Variants in NBEA observed in about 807,000 individuals in gnomAD.
NBEA encodes the protein neurobeachin, also known as lysosomal-trafficking regulator 2.
In NBEA, 44 loss-of-function variants were observed where a neutral mutation model predicts 343.4. That is an observed-to-expected ratio of 0.13 (90% confidence interval 0.10 to 0.16). The LOEUF (loss-of-function observed/expected upper bound fraction) is 0.16. NBEA is among the 10% of genes least tolerant of loss of function. NBEA has a pLI of 1.00. For synonymous variants in NBEA, 1,175 were observed against 1,238.7 expected (o/e 0.95, Z 1.08); for missense variants, 2,555 against 3,631.3 (o/e 0.70, Z 7.62).
chr13:35,518,125 G>A (rs1427545550), intron 41 of NBEA, among the ~76,000 whole-genome samples: 1 of 152,010 alleles, frequency 6.6e-6, no homozygotes, highest in Non-Finnish European at 1.5e-5. Flanking sequence ...CCGGATATAT[G>A]GAGGTGAGCA....
chr13:35,333,580 T>A (rs1054847920), intron 36 of NBEA, among the ~76,000 whole-genome samples: 6 of 152,164 alleles, frequency 3.9e-5, no homozygotes, highest in African/African-American at 1.2e-4. Flanking sequence ...AATATACAAT[T>A]AAATTATTAT....
chr13:35,234,518 A>C (rs1178017123), intron 34 of NBEA, among the ~76,000 whole-genome samples: 1 of 152,200 alleles, frequency 6.6e-6, no homozygotes, highest in African/African-American at 2.4e-5. Context: ...AATAATTAAA[A>C]TTAAATAGGA....
intron 1 of NBEA, among the ~76,000 whole-genome samples, chr13:35,018,607 T>TA (rs2061732517): frequency 6.6e-6 from 1 of 152,186 alleles, no homozygotes; most frequent in Non-Finnish European, 1.5e-5. Context: ...GAGAATTTGG[T>TA]AAAATTCTTT....
intron 1 of NBEA, among the ~76,000 whole-genome samples, chr13:34,997,298 T>C (rs1259500054): frequency 4.6e-5 from 7 of 152,184 alleles, no homozygotes; most frequent in Admixed American, 2.6e-4. Context: ...CAGTATCCAT[T>C]TGACTCTATA....
chr13:35,544,622 C>G (rs73498915), intron 41 of NBEA, among the ~76,000 whole-genome samples: 1,778 of 152,228 alleles, frequency 0.012, 40 homozygotes, highest in African/African-American at 0.041. Context: ...ACCTTACTTT[C>G]TATGTGCTTT....
chr13:35,029,267 T>C (rs1218352879), intron 1 of NBEA, among the ~76,000 whole-genome samples: 1 of 150,192 alleles, frequency 6.7e-6, no homozygotes, highest in African/African-American at 2.5e-5. Flanking sequence ...ACACCACTGC[T>C]GTGGTGTGGA....
intron 41 of NBEA, chr13:35,476,296 C>CCTGCTGCTG (rs56240021): frequency 0.056 from 54,068 of 959,742 alleles, 6,798 homozygotes; most frequent in African/African-American, 0.075. Flanking sequence ...CGTTGGTTTC[C>CCTGCTGCTG]CTGCTGCTGC....
At chr13:35,284,243 C>T (rs560437831) in intron 34 of NBEA, among the ~76,000 whole-genome samples, 2 of 152,152 alleles carry the variant, frequency 1.3e-5, no homozygotes, top group East Asian at 1.9e-4. Context: ...CAGAAACTTA[C>T]GTTTTGTTCC....
intron 34 of NBEA, among the ~76,000 whole-genome samples, chr13:35,239,286 A>G (rs532253146): frequency 1.3e-5 from 2 of 152,200 alleles, no homozygotes; most frequent in African/African-American, 2.4e-5. Flanking sequence ...TAGCTACATG[A>G]TATACATGAT....
At chr13:35,109,631 A>T (rs1474320673) in intron 12 of NBEA, among the ~76,000 whole-genome samples, 189 bp downstream of exon 12, 1 of 152,150 alleles carries the variant, frequency 6.6e-6, no homozygotes, top group East Asian at 1.9e-4. Flanking sequence ...AACAATAGGT[A>T]AAAAAGAATC....
At chr13:35,556,549 C>T (rs1344713959) in intron 44 of NBEA, among the ~76,000 whole-genome samples, 1 of 151,356 alleles carries the variant, frequency 6.6e-6, no homozygotes, top group Non-Finnish European at 1.5e-5. Context: ...ATTGTTTGTT[C>T]TCTGGCTTTA....
intron 30 of NBEA, among the ~76,000 whole-genome samples, chr13:35,192,872 T>C (rs970332530): frequency 6.6e-6 from 1 of 151,970 alleles, no homozygotes; most frequent in African/African-American, 2.4e-5. Flanking sequence ...AAGTTTAAAC[T>C]TTTTGTATAG....
At chr13:35,381,264 A>G (rs2041999054) in intron 38 of NBEA, among the ~76,000 whole-genome samples, 1 of 152,064 alleles carries the variant, frequency 6.6e-6, no homozygotes, top group Non-Finnish European at 1.5e-5. Context: ...ACTTTCTTTC[A>G]TCCAAATTAG....
At chr13:34,974,191 C>T (rs2060091200) in intron 1 of NBEA, among the ~76,000 whole-genome samples, 1 of 152,164 alleles carries the variant, frequency 6.6e-6, no homozygotes, top group Admixed American at 6.5e-5. Context: ...GGTTGAGTTG[C>T]TTTCCTGATT....
rs2062794117 is a variant in NBEA at position 35,044,959 on chromosome 13, A to G, written c.539A>G (p.Asp180Gly). ...VDDMIADLLVDMLGVLASYSI... is the reference protein window; with the variant it reads ...VDDMIADLLVGMLGVLASYSI... ...TTTTCCTTTGAAGATCTTCTAGTTG[A>G]TATGTTGGGGGTTCTTGCCAGCTAC... The change falls in exon 3 of 59, where the codon GAT (aspartate) becomes GGT (glycine). Residue 180 changes from aspartate to glycine, a missense_variant. Physicochemically the swap from Asp to Gly is moderately conservative, Grantham distance 94. This residue lies in a region of NBEA where 185 missense variants were observed against 290.6 expected (regional missense o/e 0.64). Transcript: ENST00000379939. The G allele has an allele frequency of 6.2e-7, 1 of 1,610,278 alleles. No individual in the cohort carries two copies.
At chr13:35,257,400 C>A (rs558999018) in intron 34 of NBEA, among the ~76,000 whole-genome samples, 1 of 152,150 alleles carries the variant, frequency 6.6e-6, no homozygotes, top group Non-Finnish European at 1.5e-5. Context: ...CTGTACTACT[C>A]CTGGGAGGTA....
chr13:35,583,900 A>G lies in NBEA; in HGVS notation c.7038A>G (p.Pro2346=). 6.2e-7 allele frequency: 1 copy of G among 1,607,786 alleles called. No individual in the cohort carries two copies. The highest frequency in any genetic ancestry group is 8.5e-7 in the Non-Finnish European group (1 of 1,178,134). The change falls in exon 46 of 59, where the codon CCA becomes CCG. Residue 2346 remains proline (P), a splice_region_variant and synonymous_variant. Coordinates refer to ENST00000379939, the MANE Select transcript of NBEA (RefSeq NM_001385012.1). ...LPGNFRDLSK[P]IGALNPKRAV... is the part of the protein sequence containing the mutation. ...AAATATTTTTTTTCTTTTAATAGCC[A>G]ATTGGTGCTTTGAACCCCAAGAGAG...
intron 38 of NBEA, among the ~76,000 whole-genome samples, chr13:35,377,499 T>C (rs1397862005): frequency 6.6e-6 from 1 of 152,236 alleles, no homozygotes; most frequent in Non-Finnish European, 1.5e-5. Context: ...GTCTCCCAAA[T>C]ACTTAATGCT....
At chr13:35,598,997 C>A (rs2081930433) in intron 47 of NBEA, among the ~76,000 whole-genome samples, 1 of 152,132 alleles carries the variant, frequency 6.6e-6, no homozygotes, top group African/African-American at 2.4e-5. Context: ...TTAGATGAAA[C>A]CATTGGTCAC....
Sources: gnomAD v4.1 joint callset for allele counts (sites outside exome capture counted in the v4.1 genomes callset) on GRCh38, gnomAD v4.1.1 for gene constraint, gnomAD v4.1.1 regional missense constraint, MANE v1.5 for transcripts, NCBI Gene and HGNC (gene_info 2026-07-23, HGNC 2026-07-21) for gene names.